The following PCDH9 variants were observed in gnomAD, a reference collection of about 807,000 sequenced individuals.
The protein encoded by PCDH9 is protocadherin 9.
A neutral mutation model predicts 70.6 loss-of-function variants in PCDH9; 24 were observed. The ratio of observed to expected loss-of-function variants is 0.34; its 90% CI spans 0.25 to 0.48. PCDH9 has a LOEUF of 0.48. Among genes scored for constraint, PCDH9 ranks in the 20% least tolerant of loss-of-function variants. PCDH9 has a pLI of 0.99. For missense variants in PCDH9, 1,281 were observed against 1,503.6 expected (o/e 0.85, Z 2.45); for synonymous variants, 562 against 558.5 (o/e 1.01, Z -0.09).
At chr13:66,991,589 A>C (rs73507308) in intron 2 of PCDH9, among the ~76,000 whole-genome samples, 2,807 of 152,218 alleles carry the variant, frequency 0.018, 82 homozygotes, top group African/African-American at 0.065. Flanking sequence ...TTATATATTG[A>C]AATTTCATTT....
At chr13:66,675,118 C>T (rs2078224938) in intron 3 of PCDH9, among the ~76,000 whole-genome samples, 1 of 151,964 alleles carries the variant, frequency 6.6e-6, no homozygotes, top group Non-Finnish European at 1.5e-5. Flanking sequence ...CCTCAGATTC[C>T]TTATCTGTAA....
At chr13:66,979,935 A>G (rs760118058) in intron 2 of PCDH9, among the ~76,000 whole-genome samples, 3 of 151,062 alleles carry the variant, frequency 2.0e-5, no homozygotes, top group Non-Finnish European at 4.4e-5. Context: ...TTTCTTTCCT[A>G]TCTAATTCTT....
intron 4 of PCDH9, among the ~76,000 whole-genome samples, chr13:66,330,640 A>G (rs934107525): frequency 2.1e-5 from 2 of 95,758 alleles, no homozygotes; most frequent in African/African-American, 3.9e-5. Flanking sequence ...AAACTTCCAG[A>G]AAAAAAAAAA....
chr13:66,725,618 T>A (rs376126216), intron 3 of PCDH9, among the ~76,000 whole-genome samples: 4 of 152,176 alleles, frequency 2.6e-5, no homozygotes, highest in African/African-American at 7.2e-5. Context: ...AAAGGATACA[T>A]TTCAAAAGAG....
At chr13:66,762,888 C>T (rs2079651219) in intron 3 of PCDH9, among the ~76,000 whole-genome samples, 2 of 151,972 alleles carry the variant, frequency 1.3e-5, no homozygotes, top group South Asian at 4.1e-4. Flanking sequence ...TTTATATACA[C>T]AATGAATCAG....
intron 4 of PCDH9, among the ~76,000 whole-genome samples, chr13:66,466,184 C>T (rs139884091): frequency 1.9e-4 from 29 of 151,594 alleles, no homozygotes; most frequent in Non-Finnish European, 3.2e-4. Flanking sequence ...ATTTTTCTAT[C>T]CCTCCCTCCT....
At chr13:66,309,338 T>C (rs1382727381) in intron 4 of PCDH9, among the ~76,000 whole-genome samples, 2 of 152,008 alleles carry the variant, frequency 1.3e-5, no homozygotes, top group African/African-American at 4.8e-5. Context: ...TGATGAATTA[T>C]TAAAGGGAAT....
intron 2 of PCDH9, among the ~76,000 whole-genome samples, chr13:67,148,895 T>G (rs2087589664): frequency 6.6e-6 from 1 of 152,208 alleles, no homozygotes; most frequent in South Asian, 2.1e-4. Flanking sequence ...AGTTTTTGAT[T>G]CCTATGATGG....
At chr13:66,421,337 A>T (rs192622512) in intron 4 of PCDH9, among the ~76,000 whole-genome samples, 18 of 152,212 alleles carry the variant, frequency 1.2e-4, no homozygotes, top group Admixed American at 3.9e-4. Flanking sequence ...CATCACAAAG[A>T]TACTTCTCGA....
At chr13:66,358,274 G>T (rs184784749) in intron 4 of PCDH9, among the ~76,000 whole-genome samples, 35 of 151,932 alleles carry the variant, frequency 2.3e-4, no homozygotes, top group South Asian at 1.7e-3. Context: ...TTTTGTTTCA[G>T]TATAGTACCT....
chr13:66,522,036 C>T (rs9592477), intron 4 of PCDH9, among the ~76,000 whole-genome samples: 1 of 145,224 alleles, frequency 6.9e-6, no homozygotes, highest in East Asian at 2.0e-4. Context: ...TGTATATATA[C>T]ATATATATAT....
intron 4 of PCDH9, among the ~76,000 whole-genome samples, chr13:66,562,349 ATC>A (rs1376049157): frequency 2.0e-5 from 3 of 152,134 alleles, no homozygotes; most frequent in Admixed American, 2.0e-4. Context: ...AGACAAATAG[ATC>A]TCAGTATAGC....
intron 3 of PCDH9, among the ~76,000 whole-genome samples, chr13:66,831,165 C>T (rs1043644911): frequency 6.6e-6 from 1 of 152,200 alleles, no homozygotes; most frequent in South Asian, 2.1e-4. Flanking sequence ...AGTAGTGTCT[C>T]TTTCTGTCTT....
At chr13:67,174,799 A>T (rs550216854) in intron 2 of PCDH9, among the ~76,000 whole-genome samples, 1 of 152,262 alleles carries the variant, frequency 6.6e-6, no homozygotes, top group East Asian at 1.9e-4. Flanking sequence ...GAAAGGTTGC[A>T]GATAAATTTT....
At chr13:66,714,241 G>A (rs1016905213) in intron 3 of PCDH9, among the ~76,000 whole-genome samples, 1 of 152,014 alleles carries the variant, frequency 6.6e-6, no homozygotes, top group Non-Finnish European at 1.5e-5. Flanking sequence ...TGAGGTGGGT[G>A]GATCACAAGT....
intron 3 of PCDH9, among the ~76,000 whole-genome samples, chr13:66,777,781 G>A (rs1182654798): frequency 6.6e-6 from 1 of 152,156 alleles, no homozygotes; most frequent in East Asian, 1.9e-4. Context: ...CCCATTACTG[G>A]GTATATACCC....
intron 3 of PCDH9, among the ~76,000 whole-genome samples, chr13:66,862,814 G>C (rs1048733986): frequency 1.8e-4 from 27 of 151,890 alleles, no homozygotes; most frequent in Non-Finnish European, 1.8e-4. Flanking sequence ...TCTGTATATT[G>C]TCATTTTAAT....
intron 2 of PCDH9, among the ~76,000 whole-genome samples, chr13:66,904,786 A>AT (rs2082333073): frequency 6.6e-6 from 1 of 151,946 alleles, no homozygotes; most frequent in African/African-American, 2.4e-5. Context: ...TATATATTTA[A>AT]ATATATGTTA....
intron 4 of PCDH9, among the ~76,000 whole-genome samples, chr13:66,594,121 A>T (rs562754694): frequency 1.3e-5 from 2 of 151,938 alleles, no homozygotes; most frequent in South Asian, 4.2e-4. Context: ...ATGCATTGGG[A>T]CAGAATATTT....
Sources: gnomAD v4.1 joint callset for allele counts (sites outside exome capture counted in the v4.1 genomes callset) on GRCh38, gnomAD v4.1.1 for gene constraint, MANE v1.5 for transcripts, NCBI Gene and HGNC (gene_info 2026-07-23, HGNC 2026-07-21) for gene names.